The following NBR1 variants were observed in gnomAD, a reference collection of about 807,000 sequenced individuals.
NBR1 encodes next to BRCA1 gene 1 protein.
A neutral mutation model predicts 115.5 loss-of-function variants in NBR1; 59 were observed. That is an observed-to-expected ratio of 0.51 (90% CI 0.41 to 0.63). The LOEUF (loss-of-function observed/expected upper bound fraction) is 0.63. Among genes scored for constraint, NBR1 ranks in the 30% least tolerant of loss-of-function variants. NBR1 has a pLI of 0.00. For missense variants in NBR1, 1,043 were observed against 1,150.5 expected, an observed-to-expected ratio of 0.91 and a Z score of 1.35; for synonymous variants, 373 against 414.7, an observed-to-expected ratio of 0.90 and a Z score of 1.22.
chr17:43,203,568 A>G (rs929725813), intron 19 of NBR1, 113 bp from the exon 20 acceptor site: 2 of 626,874 alleles, frequency 3.2e-6, no homozygotes, highest in African/African-American at 3.7e-5. Context: ...CTCTTTTTCC[A>G]TCTAATTTTT....
At chr17:43,205,460 A>G (rs1188814856) in intron 20 of NBR1, among the ~76,000 whole-genome samples, 1 of 152,216 alleles carries the variant, frequency 6.6e-6, no homozygotes, top group Non-Finnish European at 1.5e-5. Context: ...TGAGTCCTAA[A>G]GGACGGAGTA....
At position 43,186,371 on chromosome 17, in the gene NBR1, C is replaced by T; in HGVS notation, c.329C>T (p.Pro110Leu). The T allele has an allele frequency of 3.7e-6, 6 of 1,602,630 alleles. No homozygotes were observed. Among genetic ancestry groups the T allele is most frequent in the Non-Finnish European group, 5.1e-6 (6 of 1,174,866 alleles). Residue 110 changes from proline (P) to leucine (L), a missense_variant, in exon 6 of 21, where the codon CCA becomes CTA. Coordinates refer to ENST00000590996, the MANE Select transcript of NBR1 (RefSeq NM_005899.5). The stretch of plus-strand genomic sequence containing the variant: ...CTAGCTGCCAGGGCAGGGAAGAAGC[C>T]ACTTGCACATTACTCTTCACTGGTG... ...KRLAARAGKKPLAHYSSLVRV... is the reference protein window; with the variant it reads ...KRLAARAGKKLLAHYSSLVRV...
At chr17:43,173,937 T>A (rs1405411327) in intron 1 of NBR1, among the ~76,000 whole-genome samples, 1 of 151,688 alleles carries the variant, frequency 6.6e-6, no homozygotes, top group Non-Finnish European at 1.5e-5. Flanking sequence ...CCTAAGCTAT[T>A]TTTTCATAAA....
At position 43,210,204 on chromosome 17, in the gene NBR1, C is replaced by A; in HGVS notation, c.*130C>A. ...TGTATAGAGCCCATCGTTGAGTTAC[C>A]AAGACAATACCTGCTACAGTATTTT... On this transcript the variant is annotated 3_prime_UTR_variant, in exon 21 of 21. Coordinates refer to ENST00000590996, the MANE Select transcript of NBR1 (RefSeq NM_005899.5). 1 of 747,402 alleles carries A rather than the reference C, an allele frequency of 1.3e-6. No individual in the cohort carries two copies. The highest frequency in any genetic ancestry group is 1.9e-6 in the Non-Finnish European group (1 of 518,122). The allele number at this position is 747,402 out of a possible 1,614,324, so 46.3% of individuals were successfully genotyped here.
chr17:43,203,636 ATGATTTGTGTTTGTTTGGG>A, intron 19 of NBR1, 26 bp from the exon 20 acceptor site: 1 of 1,215,656 alleles, frequency 8.2e-7, no homozygotes, highest in East Asian at 2.4e-5. Context: ...TAAAAAGGTA[ATGATTTGTGTTTGTTTGGG>A]GAGATAATTT....
At position 43,203,684 on chromosome 17, in the gene NBR1, C is replaced by T. The variant is rs753524133; in HGVS notation, c.2625C>T (p.His875=). The T allele has an allele frequency of 4.4e-6, 7 of 1,604,730 alleles. No individual in the cohort carries two copies. Among genetic ancestry groups the T allele is most frequent in the Non-Finnish European group, 6.0e-6 (7 of 1,174,106 alleles). ...SRQKSYDHSR[H]HHGSSIAGGL... is the part of the protein sequence containing the mutation. ...ATAATTTGGTTTTCCTCTGCAGGCA[C>T]CATCATGGGAGCAGCATTGCTGGAG... The change falls in exon 20 of 21, where the codon CAC becomes CAT. Residue 875 remains histidine, a synonymous_variant. Coordinates refer to ENST00000590996, the MANE Select transcript of NBR1 (RefSeq NM_005899.5).
chr17:43,205,067 C>A (rs570847733), intron 20 of NBR1, among the ~76,000 whole-genome samples: 95 of 152,056 alleles, frequency 6.2e-4, no homozygotes, highest in Non-Finnish European at 1.2e-3. Flanking sequence ...TAGTAAGATA[C>A]TATGCTGGCC....
intron 10 of NBR1, among the ~76,000 whole-genome samples, chr17:43,192,020 CTTT>C (rs34920601): frequency 9.3e-6 from 1 of 107,540 alleles, no homozygotes; most frequent in Admixed American, 1.2e-4. Context: ...CAGCACCCGG[CTTT>C]TTTTTTTTTT....
rs2056537392 is a variant in NBR1, at chr17:43,177,191, TGAGTGCTG to T, written c.103-741_103-734del. ...CGGAGGTTGAGGTGGGCGAATTGCT[TGAGTGCTG>T]GAGGTTGAGGCTGCAGTGAGCCAAG... is the stretch of plus-strand genomic sequence containing the variant. On this transcript the variant is annotated intron_variant, in intron 2 of 20. Transcript: ENST00000590996. Among the ~76,000 whole-genome samples the T allele has an allele frequency of 2.0e-5, 3 of 149,118 alleles. No individual in the cohort carries two copies. The South Asian group carries it at 6.3e-4, about 31-fold the overall frequency.
chr17:43,181,397 C>T (rs185090494), intron 5 of NBR1, among the ~76,000 whole-genome samples: 55 of 152,078 alleles, frequency 3.6e-4, no homozygotes, highest in Non-Finnish European at 6.9e-4. Context: ...ACTGGCCAGG[C>T]GTGGTGGCTC....
rs2057391152 is a variant in NBR1, at chr17:43,210,060, A to G, written c.2887A>G (p.Ser963Gly). Residue 963 changes from serine (S) to glycine (G), a missense_variant, in exon 21 of 21, where the codon AGC becomes GGC. By Grantham distance (56) the Ser-to-Gly change is moderately conservative. Transcript: ENST00000590996. ...TCAGTTAAACAACAACGACTGGTAC[A>G]GCCAACGCTATTGAGGAGTGACCTT... is the stretch of plus-strand genomic sequence containing the variant. ...LLQLNNNDWY[S>G]QRY 1 of 1,611,854 alleles carries G rather than the reference A, an allele frequency of 6.2e-7. No homozygotes were observed. Among genetic ancestry groups the G allele is most frequent in the Non-Finnish European group, 8.5e-7 (1 of 1,179,142 alleles).
intron 9 of NBR1, 35 bp from the exon 10 acceptor site, chr17:43,191,337 A>G (rs1167435384): frequency 6.7e-7 from 1 of 1,485,668 alleles, no homozygotes; most frequent in Admixed American, 1.8e-5. Context: ...TTTATTTGTG[A>G]CTTTCTTTTA....
At chr17:43,189,246 C>T in intron 7 of NBR1, 127 bp downstream of exon 7, 1 of 732,644 alleles carries the variant, frequency 1.4e-6, no homozygotes, top group Non-Finnish European at 2.5e-6. Flanking sequence ...CTTATAATTT[C>T]CAAACTTAGA....
intron 20 of NBR1, among the ~76,000 whole-genome samples, chr17:43,204,676 G>A (rs924953212): frequency 6.6e-6 from 1 of 151,556 alleles, no homozygotes; most frequent in East Asian, 1.9e-4. Context: ...TTAGCTGGGC[G>A]TGGTGGCAGG....
intron 1 of NBR1, 109 bp downstream of exon 1, chr17:43,171,411 T>C (rs573085090): frequency 6.6e-6 from 1 of 152,522 alleles, no homozygotes; most frequent in African/African-American, 2.4e-5. Flanking sequence ...TTTTTCCGTG[T>C]TTCGGGACAG....
In NBR1 at chr17:43,200,211, G is replaced by A. The variant is rs1240908825; in HGVS notation, c.2071G>A (p.Glu691Lys). 1 of 1,551,290 alleles carries A rather than the reference G, an allele frequency of 6.4e-7. No individual in the cohort carries two copies. Residue 691 changes from glutamate (E) to lysine (K), a missense_variant, in exon 17 of 21, where the codon GAG (glutamate) becomes AAG (lysine). Physicochemically the swap from Glu to Lys is moderately conservative, Grantham distance 56. Transcript: ENST00000590996. Reference sequence around the variant, plus strand: ...AGGACCACTTGGAAATGAGAAGGAGGAGATTATCCATATCGCTGAGGAAGA... The same window carrying A: ...AGGACCACTTGGAAATGAGAAGGAGAAGATTATCCATATCGCTGAGGAAGA... ...PEGPLGNEKE[E>K]IIHIAEEEAV...
At position 43,194,470 on chromosome 17, in the gene NBR1, A is replaced by C; in HGVS notation, c.1645A>C (p.Ile549Leu). 1 of 1,614,000 alleles carries C rather than the reference A, an allele frequency of 6.2e-7. No individual in the cohort carries two copies. The highest frequency in any genetic ancestry group is 8.5e-7 in the Non-Finnish European group (1 of 1,179,888). ...TGTTGCCAGTGAGAGGGAGCTCTAC[A>C]TCCCATCTGTGGATCTTCTGACTGC... is the stretch of plus-strand genomic sequence containing the variant. ...KNVASERELY[I>L]PSVDLLTAQD... The change falls in exon 13 of 21, where the codon ATC becomes CTC. Residue 549 changes from isoleucine (I) to leucine (L), a missense_variant. By Grantham distance (5) the Ile-to-Leu change is conservative. Transcript: ENST00000590996.
chr17:43,201,565 C>A, intron 17 of NBR1, 121 bp from the exon 18 acceptor site: 1 of 653,750 alleles, frequency 1.5e-6, no homozygotes, highest in Non-Finnish European at 2.8e-6. Context: ...GACATGTGAT[C>A]TGGATCAGAA....
intron 1 of NBR1, among the ~76,000 whole-genome samples, chr17:43,174,306 TAAA>T (rs1555607495): frequency 6.6e-6 from 1 of 152,210 alleles, no homozygotes; most frequent in Admixed American, 6.5e-5. Context: ...AAAAATATTT[TAAA>T]AAATAGTCCG....
Sources: gnomAD v4.1 joint callset for allele counts (sites outside exome capture counted in the v4.1 genomes callset) on GRCh38, gnomAD v4.1.1 for gene constraint, MANE v1.5 for transcripts, NCBI Gene and HGNC (gene_info 2026-07-23, HGNC 2026-07-21) for gene names.